Variants in ERICH1 observed in about 807,000 individuals in gnomAD.
ERICH1 encodes the protein glutamate rich 1.
In ERICH1, 56 loss-of-function variants were observed where a neutral mutation model predicts 39.6. The ratio of observed to expected loss-of-function variants is 1.41; its 90% confidence interval spans 1.14 to 1.77. The LOEUF is 1.77. Among genes scored for constraint, ERICH1 ranks in the 40% most tolerant of loss-of-function variants. The pLI, the probability that ERICH1 is intolerant of heterozygous loss-of-function variation, is 0.00. For synonymous variants in ERICH1, 313 were observed against 223.6 expected, an observed-to-expected ratio of 1.40 and a Z score of -3.57; for missense variants, 826 against 575.4, an observed-to-expected ratio of 1.44 and a Z score of -4.45.
At chr8:617,288 T>C (rs150272418) in intron 3 of ERICH1, among the ~76,000 whole-genome samples, 71 of 152,224 alleles carry the variant, frequency 4.7e-4, no homozygotes, top group African/African-American at 1.2e-3. Context: ...TTCCTGGTGG[T>C]TCAGGGCAGC....
At chr8:656,188 T>C (rs1800640111) in intron 3 of ERICH1, among the ~76,000 whole-genome samples, 1 of 152,134 alleles carries the variant, frequency 6.6e-6, no homozygotes, top group Admixed American at 6.5e-5. Context: ...CAGCATCTTC[T>C]AAACTCCCCC....
chr8:691,218 C>T (rs1372090960), intron 3 of ERICH1: 1 of 95,780 alleles, frequency 1.0e-5, no homozygotes, highest in Admixed American at 1.0e-4. Flanking sequence ...GCCCGGGCAA[C>T]AGGAAAGGAG....
At chr8:715,457 C>A (rs1563337971) in intron 2 of ERICH1, among the ~76,000 whole-genome samples, 1 of 152,176 alleles carries the variant, frequency 6.6e-6, no homozygotes, top group Non-Finnish European at 1.5e-5. Context: ...GACCACGGGA[C>A]AAGAACCTCA....
intron 1 of ERICH1, among the ~76,000 whole-genome samples, chr8:728,622 G>A (rs1285689770): frequency 6.6e-6 from 1 of 152,186 alleles, no homozygotes; most frequent in African/African-American, 2.4e-5. Context: ...ATCTCCCTGG[G>A]TAGAATGGAG....
intron 2 of ERICH1, among the ~76,000 whole-genome samples, chr8:704,613 T>A (rs774114844): frequency 1.3e-5 from 2 of 152,060 alleles, no homozygotes; most frequent in Non-Finnish European, 2.9e-5. Flanking sequence ...ACAATACTGA[T>A]GTACAAACAT....
At chr8:677,448 T>C (rs1805107176) in intron 3 of ERICH1, among the ~76,000 whole-genome samples, 1 of 152,202 alleles carries the variant, frequency 6.6e-6, no homozygotes, top group Non-Finnish European at 1.5e-5. Context: ...AGTCCCAAGA[T>C]GAAGCCGCCA....
intron 3 of ERICH1, among the ~76,000 whole-genome samples, chr8:683,193 A>AGCGGTG (rs1488218092): frequency 6.6e-6 from 1 of 152,250 alleles, no homozygotes; most frequent in Admixed American, 6.5e-5. Flanking sequence ...GGGATGGACA[A>AGCGGTG]GCGGTGGCTG....
At chr8:719,019 A>G (rs1433338530) in intron 1 of ERICH1, among the ~76,000 whole-genome samples, 1 of 152,078 alleles carries the variant, frequency 6.6e-6, no homozygotes, top group Non-Finnish European at 1.5e-5. Context: ...CCAATGTCCC[A>G]ACACCCTCCT....
chr8:711,635 C>A (rs1171087776), intron 2 of ERICH1, among the ~76,000 whole-genome samples: 1 of 152,012 alleles, frequency 6.6e-6, no homozygotes, highest in African/African-American at 2.4e-5. Context: ...GTGGCTGGGA[C>A]TACAGGCGCC....
At chr8:634,197 A>ACAAACAAAC (rs1798251963) in intron 3 of ERICH1, among the ~76,000 whole-genome samples, 1 of 151,606 alleles carries the variant, frequency 6.6e-6, no homozygotes. Context: ...CAAACAAAAA[A>ACAAACAAAC]AACCCTGATT....
intron 2 of ERICH1, among the ~76,000 whole-genome samples, chr8:693,376 G>A (rs559644261): frequency 1.3e-5 from 2 of 152,346 alleles, no homozygotes; most frequent in African/African-American, 2.4e-5. Flanking sequence ...GTGTTAAAAT[G>A]ACATATTGTA....
chr8:634,417 C>T (rs1798269784), intron 3 of ERICH1, among the ~76,000 whole-genome samples: 1 of 152,198 alleles, frequency 6.6e-6, no homozygotes, highest in South Asian at 2.1e-4. Flanking sequence ...GGAAGCTCCT[C>T]AAACAAGTAA....
At position 642,539 on chromosome 8, in the gene ERICH1, T is replaced by C. The variant is rs945918715; in HGVS notation, c.976+26059A>G. The stretch of plus-strand genomic sequence containing the variant: ...TTTTGTATTTTTAGTAGAGACGGGG[T>C]TTCACTGTGTTAGCCAGGATGGTCT... On this transcript the variant is annotated intron_variant, in intron 3 of 3. Coordinates refer to the ERICH1 transcript ENST00000522706. Among the ~76,000 whole-genome samples, 92 of 151,562 alleles carry C rather than the reference T, an allele frequency of 6.1e-4. 1 individual carries two copies. Among genetic ancestry groups the C allele is most frequent in the African/African-American group, 2.1e-3 (87 of 41,298 alleles).
intron 1 of ERICH1, among the ~76,000 whole-genome samples, chr8:729,727 A>G (rs1186585085): frequency 2.0e-5 from 3 of 152,260 alleles, no homozygotes; most frequent in Admixed American, 6.5e-5. Flanking sequence ...CCAATAGGAA[A>G]AAAAGGCTGT....
At chr8:656,126 C>T (rs949398852) in intron 3 of ERICH1, among the ~76,000 whole-genome samples, 3 of 152,146 alleles carry the variant, frequency 2.0e-5, no homozygotes, top group African/African-American at 4.8e-5. Context: ...AGGTCTTCTC[C>T]GAATGGCCTC....
chr8:671,030 C>T (rs1461538084), intron 4 of ERICH1, among the ~76,000 whole-genome samples: 2 of 151,518 alleles, frequency 1.3e-5, no homozygotes, highest in Admixed American at 6.6e-5. Context: ...CCGGCCCCTG[C>T]TCCAACACCT....
At chr8:678,989 C>T (rs1805482786) in intron 3 of ERICH1, among the ~76,000 whole-genome samples, 1 of 151,982 alleles carries the variant, frequency 6.6e-6, no homozygotes, top group African/African-American at 2.4e-5. Context: ...CCCCTCACAG[C>T]TTTGATCCCT....
intron 1 of ERICH1, among the ~76,000 whole-genome samples, chr8:727,191 G>A (rs1417172869): frequency 6.6e-6 from 1 of 151,900 alleles, no homozygotes; most frequent in Non-Finnish European, 1.5e-5. Flanking sequence ...TGTGCACAAA[G>A]GCATACACAG....
At chr8:668,539 A>G in intron 5 of ERICH1, 59 bp downstream of exon 5, 1 of 1,597,438 alleles carries the variant, frequency 6.3e-7, no homozygotes, top group African/African-American at 1.3e-5. Flanking sequence ...AGTCTTTCAG[A>G]GGCAAACCTC....
Sources: gnomAD v4.1 joint callset for allele counts (sites outside exome capture counted in the v4.1 genomes callset) on GRCh38, gnomAD v4.1.1 for gene constraint, MANE v1.5 for transcripts, NCBI Gene and HGNC (gene_info 2026-07-23, HGNC 2026-07-21) for gene names.